MAML2: variants seen among roughly 807,000 people sequenced by gnomAD.
The protein encoded by MAML2 is mastermind-like protein 2.
In MAML2, 22 loss-of-function variants were observed where a neutral mutation model predicts 96.1. The observed-to-expected ratio is 0.23, with a 90% CI of 0.16 to 0.33. The LOEUF (loss-of-function observed/expected upper bound fraction) is 0.33, where lower values mean the gene tolerates loss of function less well. MAML2 is among the 10% of genes least tolerant of loss of function. MAML2 has a pLI of 1.00. For synonymous variants in MAML2, 561 were observed against 521.3 expected, an observed-to-expected ratio of 1.08 and a Z score of -1.04; for missense variants, 1,367 against 1,392.4, an observed-to-expected ratio of 0.98 and a Z score of 0.29.
chr11:96,261,974 A>G (rs2135973879), intron 1 of MAML2, among the ~76,000 whole-genome samples: 1 of 152,350 alleles, frequency 6.6e-6, no homozygotes, highest in African/African-American at 2.4e-5. Context: ...TCTGACTCAA[A>G]GAGTTATTTC....
intron 1 of MAML2, among the ~76,000 whole-genome samples, chr11:96,194,337 C>T (rs2135924345): frequency 6.6e-6 from 1 of 152,234 alleles, no homozygotes; most frequent in Non-Finnish European, 1.5e-5. Context: ...TTGAAGCTTA[C>T]ATATGAATAA....
intron 1 of MAML2, among the ~76,000 whole-genome samples, chr11:96,201,020 A>G (rs545095710): frequency 2.1e-3 from 318 of 150,936 alleles, no homozygotes; most frequent in African/African-American, 5.2e-3. Context: ...CTCTTGGGGG[A>G]AAAAAAAGCT....
chr11:96,338,936 G>C (rs995823206), intron 1 of MAML2, among the ~76,000 whole-genome samples: 3 of 152,164 alleles, frequency 2.0e-5, no homozygotes, highest in African/African-American at 7.2e-5. Flanking sequence ...AAAATGCCCA[G>C]GCCTCCCTTT....
At chr11:96,094,293 A>G (rs942568269) in intron 1 of MAML2, among the ~76,000 whole-genome samples, 4 of 152,242 alleles carry the variant, frequency 2.6e-5, no homozygotes, top group African/African-American at 4.8e-5. Context: ...GGAAGCAGAC[A>G]AAACTGAGCT....
chr11:96,260,526 T>G (rs141620787), intron 1 of MAML2, among the ~76,000 whole-genome samples: 19 of 152,292 alleles, frequency 1.2e-4, no homozygotes, highest in African/African-American at 4.6e-4. Context: ...TTTGGGACAC[T>G]TTCAGCTTTT....
chr11:96,206,581 G>A (rs764201309), intron 1 of MAML2, among the ~76,000 whole-genome samples: 2 of 152,232 alleles, frequency 1.3e-5, no homozygotes, highest in Non-Finnish European at 2.9e-5. Context: ...CTGGGTGAAA[G>A]AGCGAGACTC....
intron 4 of MAML2, among the ~76,000 whole-genome samples, 164 bp downstream of exon 4, chr11:95,985,367 G>A (rs1284374734): frequency 2.0e-5 from 3 of 152,232 alleles, no homozygotes; most frequent in Middle Eastern, 3.4e-3. Context: ...ACTGATGAAA[G>A]GACTAAAAAA....
intron 1 of MAML2, among the ~76,000 whole-genome samples, chr11:96,196,518 G>T (rs1369793036): frequency 6.6e-6 from 1 of 152,232 alleles, no homozygotes; most frequent in Non-Finnish European, 1.5e-5. Flanking sequence ...AAGTCAATCA[G>T]AAATAATGCA....
At chr11:96,106,749 C>T (rs1224211147) in intron 1 of MAML2, among the ~76,000 whole-genome samples, 2 of 152,180 alleles carry the variant, frequency 1.3e-5, no homozygotes, top group South Asian at 2.1e-4. Flanking sequence ...AGCTCACCAG[C>T]TACAGCCTTG....
intron 2 of MAML2, among the ~76,000 whole-genome samples, chr11:96,076,640 A>G (rs562161986): frequency 1.3e-5 from 2 of 152,116 alleles, no homozygotes; most frequent in African/African-American, 4.8e-5. Flanking sequence ...GTTCTCACAC[A>G]TTTGCCTCTG....
In MAML2 at chr11:96,312,219, C is replaced by CA. The variant is rs34658278; in HGVS notation, c.513+29163dup. 3.7e-3 allele frequency among the ~76,000 whole-genome samples: 190 copies of CA among 51,496 alleles called. 5 individuals carry two copies. Among genetic ancestry groups the CA allele is most frequent in the South Asian group, 8.9e-3 (9 of 1,008 alleles). 33.8% of individuals were successfully genotyped at this position (51,496 alleles called of 152,430 possible). On this transcript the variant is annotated intron_variant, in intron 1 of 4. Transcript: ENST00000524717. ...TGGGCGACAGAGCAAGACTCTATCT[C>CA]AAAAAAAAAAAAAAAAAAAAAAAAA...
intron 1 of MAML2, among the ~76,000 whole-genome samples, chr11:96,316,689 A>G (rs1863637184): frequency 6.6e-6 from 1 of 152,218 alleles, no homozygotes; most frequent in Non-Finnish European, 1.5e-5. Context: ...TTTTATTCTA[A>G]GTGCAACAGG....
At chr11:95,999,416 G>A (rs1290501147) in intron 2 of MAML2, among the ~76,000 whole-genome samples, 1 of 152,062 alleles carries the variant, frequency 6.6e-6, no homozygotes, top group Non-Finnish European at 1.5e-5. Context: ...GTAGAATGGG[G>A]TACAAAATAT....
At chr11:96,224,061 C>T (rs1287791201) in intron 1 of MAML2, among the ~76,000 whole-genome samples, 3 of 152,140 alleles carry the variant, frequency 2.0e-5, no homozygotes, top group Non-Finnish European at 4.4e-5. Context: ...TCTGACTTGT[C>T]ATTCTGCCAC....
In MAML2 at chr11:96,313,602, T is replaced by C. The variant is rs912768248; in HGVS notation, c.513+27781A>G. ...CTGCCTTTCTCCCATTAAAGACTCC[T>C]CTTTCCTGTCACTGTTTTCTGCTAT... On this transcript the variant is annotated intron_variant, in intron 1 of 4. Transcript: ENST00000524717. 3.2e-4 allele frequency among the ~76,000 whole-genome samples: 48 copies of C among 152,152 alleles called. 1 individual carries two copies. The highest frequency in any genetic ancestry group is 6.5e-4 in the Non-Finnish European group (44 of 68,028).
rs1590973102 is a variant in MAML2, at chr11:96,034,764, C to A, written c.2140-43041G>T. Among the ~76,000 whole-genome samples the A allele has an allele frequency of 2.0e-5, 3 of 152,216 alleles. No homozygotes were observed. In the East Asian group the frequency reaches 5.8e-4, roughly 29 times the overall value. ...AGGGAAAATACATGGCATCTCTGAG[C>A]ACTGGACTCAGACTATCCACTATAA... is the stretch of plus-strand genomic sequence containing the variant. On this transcript the variant is annotated intron_variant, in intron 2 of 4. Transcript: ENST00000524717.
At chr11:96,123,384 G>A (rs1179085765) in intron 1 of MAML2, among the ~76,000 whole-genome samples, 1 of 151,922 alleles carries the variant, frequency 6.6e-6, no homozygotes, top group Admixed American at 6.6e-5. Flanking sequence ...TGTTCATGGA[G>A]TCCTCCGCAA....
intron 1 of MAML2, among the ~76,000 whole-genome samples, chr11:96,146,594 G>A (rs1338305340): frequency 6.6e-6 from 1 of 152,146 alleles, no homozygotes; most frequent in African/African-American, 2.4e-5. Flanking sequence ...AGTTTACTTT[G>A]AGGATTAGAT....
intron 1 of MAML2, among the ~76,000 whole-genome samples, chr11:96,114,669 T>A (rs1477152890): frequency 6.6e-6 from 1 of 152,182 alleles, no homozygotes; most frequent in East Asian, 1.9e-4. Context: ...GAAAGGGAAT[T>A]GTGAATACTG....
Sources: allele counts gnomAD v4.1 joint callset (sites outside exome capture counted in the v4.1 genomes callset), GRCh38; gene constraint gnomAD v4.1.1; transcripts MANE v1.5; gene names NCBI Gene and HGNC (gene_info 2026-07-23, HGNC 2026-07-21).